PRIM2: variants seen among roughly 807,000 people sequenced by gnomAD.
PRIM2 encodes DNA primase subunit 2.
In PRIM2, 39 loss-of-function variants were observed where a neutral mutation model predicts 67.3. That is an observed-to-expected ratio of 0.58 (90% confidence interval 0.45 to 0.76). The LOEUF (loss-of-function observed/expected upper bound fraction) is 0.76. Ranked by LOEUF, PRIM2 falls within the 30% of genes least tolerant of loss-of-function variation. PRIM2 has a pLI of 0.00. For synonymous variants in PRIM2, 143 were observed against 198.7 expected (o/e 0.72, Z 2.36); for missense variants, 398 against 598.7 (o/e 0.66, Z 3.50).
At chr6:57,600,700 G>C (rs1776447692) in intron 10 of PRIM2, among the ~76,000 whole-genome samples, 2 of 152,086 alleles carry the variant, frequency 1.3e-5, no homozygotes, top group Non-Finnish European at 2.9e-5. Context: ...AGAATGGGTA[G>C]ATATGGGAAT....
At chr6:57,553,666 T>C (rs1385443077) in intron 10 of PRIM2, among the ~76,000 whole-genome samples, 23 of 151,860 alleles carry the variant, frequency 1.5e-4, no homozygotes, top group African/African-American at 5.6e-4. Flanking sequence ...TGTGTAAACC[T>C]TGAGGCTCCA....
intron 12 of PRIM2, among the ~76,000 whole-genome samples, chr6:57,625,036 TG>T: frequency 6.6e-6 from 1 of 152,134 alleles, no homozygotes; most frequent in East Asian, 1.9e-4. Context: ...GCGAACAGTA[TG>T]GGGGAAACCG....
At chr6:57,437,662 CTTTTTTTT>C (rs11315818) in intron 7 of PRIM2, among the ~76,000 whole-genome samples, 1 of 128,366 alleles carries the variant, frequency 7.8e-6, no homozygotes, top group Non-Finnish European at 1.6e-5. Flanking sequence ...GGAAGGATTC[CTTTTTTTT>C]TTTTTTTTTT....
intron 7 of PRIM2, among the ~76,000 whole-genome samples, chr6:57,499,259 C>T (rs1422774683): frequency 2.0e-5 from 3 of 152,182 alleles, no homozygotes; most frequent in African/African-American, 7.2e-5. Flanking sequence ...TCTCTAATCT[C>T]CCATTCCTTA....
At chr6:57,227,530 G>T in the PRIM2 span, among the ~76,000 whole-genome samples, 1 of 150,892 alleles carries the variant, frequency 6.6e-6, no homozygotes, top group Non-Finnish European at 1.5e-5. Flanking sequence ...TGTAATCTCA[G>T]CTACTCAGGA....
chr6:57,498,738 G>A, intron 7 of PRIM2, among the ~76,000 whole-genome samples: 1 of 152,182 alleles, frequency 6.6e-6, no homozygotes, highest in Non-Finnish European at 1.5e-5. Flanking sequence ...CGCCAGTGTT[G>A]GGTGAACAGT....
At chr6:57,274,457 G>T in the PRIM2 span, among the ~76,000 whole-genome samples, 1 of 152,322 alleles carries the variant, frequency 6.6e-6, no homozygotes, top group Non-Finnish European at 1.5e-5. Context: ...CTGGTGTACC[G>T]TTTTTTAAAC....
At chr6:57,352,313 T>C (rs1289492675) in intron 5 of PRIM2, among the ~76,000 whole-genome samples, 2 of 152,138 alleles carry the variant, frequency 1.3e-5, no homozygotes, top group Non-Finnish European at 2.9e-5. Flanking sequence ...TGATCTCGGC[T>C]CACGGCATCC....
the PRIM2 span, among the ~76,000 whole-genome samples, chr6:57,304,879 A>G: frequency 4.6e-5 from 7 of 152,210 alleles, no homozygotes; most frequent in Non-Finnish European, 1.0e-4. Flanking sequence ...ATAGAAACAT[A>G]AAGTTTTTAC....
intron 5 of PRIM2, among the ~76,000 whole-genome samples, chr6:57,360,788 T>C: frequency 6.6e-6 from 1 of 152,210 alleles, no homozygotes. Context: ...CTCTACAAAA[T>C]AGAAATAATA....
intron 7 of PRIM2, among the ~76,000 whole-genome samples, chr6:57,441,300 T>A (rs1772196572): frequency 6.6e-6 from 1 of 152,248 alleles, no homozygotes; most frequent in Non-Finnish European, 1.5e-5. Flanking sequence ...CAGACCTTTT[T>A]TCCCCGCTAG....
Position 57,409,598 on chromosome 6 carries a change from A to T in PRIM2, c.693+27430A>T, listed in dbSNP as rs527346004. Among the ~76,000 whole-genome samples, 310 of 152,302 alleles carry T rather than the reference A, an allele frequency of 2.0e-3. 1 individual carries two copies. Among genetic ancestry groups the T allele is most frequent in the African/African-American group, 7.2e-3 (299 of 41,576 alleles). On this transcript the variant is annotated intron_variant, in intron 7 of 13. Coordinates refer to ENST00000615550, the MANE Select transcript of PRIM2 (RefSeq NM_000947.5). ...TAGATATGTTCATCTCCAGTAGTGT[A>T]TGTGTTCCAGTTATTCTACCACCTT...
At position 57,542,939 on chromosome 6, in the gene PRIM2, A is replaced by ATTTTTTTTTTTTTTTTTTTTTTT. The variant is rs1193756482; in HGVS notation, c.1020+5333_1020+5334insTTTTTTTTTTTTTTTTTTTTTTT. ...GTTGGCTTAAAATACTGCTTATAGG[A>ATTTTTTTTTTTTTTTTTTTTTTT]TTTTTTTTTTTTTTTTTTTGAGACG... On this transcript the variant is annotated intron_variant, in intron 10 of 13. Coordinates refer to ENST00000615550, the MANE Select transcript of PRIM2 (RefSeq NM_000947.5). Among the ~76,000 whole-genome samples, 77 of 71,894 alleles carry ATTTTTTTTTTTTTTTTTTTTTTT rather than the reference A, an allele frequency of 1.1e-3. 25 individuals are homozygous for ATTTTTTTTTTTTTTTTTTTTTTT. Among genetic ancestry groups the ATTTTTTTTTTTTTTTTTTTTTTT allele is most frequent in the African/African-American group, 1.3e-3 (19 of 14,778 alleles). The allele number at this position is 71,894 out of a possible 152,430, so 47.2% of individuals were successfully genotyped here.
intron 8 of PRIM2, among the ~76,000 whole-genome samples, chr6:57,528,903 C>G (rs1774822867): frequency 6.6e-6 from 1 of 152,136 alleles, no homozygotes; most frequent in Admixed American, 6.5e-5. Context: ...TTGATTTCCC[C>G]AGTATTTCTG....
intron 5 of PRIM2, among the ~76,000 whole-genome samples, chr6:57,355,381 A>T (rs1175485734): frequency 1.3e-5 from 2 of 152,060 alleles, no homozygotes; most frequent in Admixed American, 6.6e-5. Context: ...CGCTCCCTTT[A>T]TAGGTTACCA....
At chr6:57,237,155 C>G in the PRIM2 span, among the ~76,000 whole-genome samples, 1 of 151,892 alleles carries the variant, frequency 6.6e-6, no homozygotes, top group African/African-American at 2.4e-5. Flanking sequence ...TTGCATTTCT[C>G]TGATGGCCAG....
At chr6:57,287,602 C>A in the PRIM2 span, among the ~76,000 whole-genome samples, 1 of 151,870 alleles carries the variant, frequency 6.6e-6, no homozygotes, top group Non-Finnish European at 1.5e-5. Flanking sequence ...CACACTGGAG[C>A]CTGTCAGGGG....
At chr6:57,377,311 T>C (rs536058308) in intron 5 of PRIM2, among the ~76,000 whole-genome samples, 18 of 152,264 alleles carry the variant, frequency 1.2e-4, no homozygotes, top group South Asian at 4.1e-4. Flanking sequence ...AGAGTTTTAG[T>C]TCTTCTTTTT....
rs1297795375 is a variant in PRIM2 at position 57,638,832 on chromosome 6, G to A, written c.1299+6631G>A. On this transcript the variant is annotated intron_variant, in intron 13 of 13. Coordinates refer to ENST00000615550, the MANE Select transcript of PRIM2 (RefSeq NM_000947.5). ...TAGTGGGAGACTTTAACACCCCACT[G>A]TCAATATTAGATCAACGAGACAGAA... 1.4e-3 allele frequency among the ~76,000 whole-genome samples: 208 copies of A among 152,228 alleles called. 4 individuals carry two copies. In the East Asian group the frequency reaches 0.019, roughly 14 times the overall value.
Sources: gnomAD v4.1 joint callset for allele counts (sites outside exome capture counted in the v4.1 genomes callset) on GRCh38, gnomAD v4.1.1 for gene constraint, MANE v1.5 for transcripts, NCBI Gene and HGNC (gene_info 2026-07-23, HGNC 2026-07-21) for gene names.